The following ZNRF3 variants were observed in gnomAD, a reference collection of about 807,000 sequenced individuals.
ZNRF3 encodes the protein zinc and ring finger 3, also known as E3 ubiquitin-protein ligase ZNRF3.
ZNRF3 carries 23 observed loss-of-function variants against 72.5 expected under a neutral mutation model. The observed-to-expected ratio is 0.32, with a 90% CI of 0.23 to 0.45. The LOEUF (loss-of-function observed/expected upper bound fraction) is 0.45. ZNRF3 is among the 20% of genes least tolerant of loss of function. The probability of loss-of-function intolerance (pLI) is 1.00; values close to 1 mark genes in which losing one functional copy is unlikely to be tolerated. For missense variants in ZNRF3, 1,169 were observed against 1,272.1 expected (o/e 0.92, Z 1.23); for synonymous variants, 610 against 545.3 (o/e 1.12, Z -1.65).
At chr22:28,940,118 G>A (rs1024837476) in intron 1 of ZNRF3, among the ~76,000 whole-genome samples, 26 of 152,294 alleles carry the variant, frequency 1.7e-4, no homozygotes, top group Middle Eastern at 6.8e-3. Context: ...ACTGCCACAG[G>A]TTAGAGAAAA....
chr22:29,022,632 C>T (rs1479534090), intron 2 of ZNRF3, among the ~76,000 whole-genome samples: 2 of 152,274 alleles, frequency 1.3e-5, no homozygotes, highest in Admixed American at 6.5e-5. Context: ...GTCAGCTGTC[C>T]GTCTTACAAG....
chr22:28,940,719 A>C (rs1159464891), intron 1 of ZNRF3, among the ~76,000 whole-genome samples: 3 of 151,978 alleles, frequency 2.0e-5, no homozygotes, highest in Non-Finnish European at 4.4e-5. Context: ...GATTCTTTGG[A>C]TAGGGGGTTG....
chr22:29,006,064 G>A lies in ZNRF3; in HGVS notation c.426+18863G>A, dbSNP rs2036237789. Among the ~76,000 whole-genome samples, 6 of 152,026 alleles carry A rather than the reference G, an allele frequency of 3.9e-5. No homozygotes were observed. The South Asian group carries it at 1.3e-3, about 32-fold the overall frequency. On this transcript the variant is annotated intron_variant, in intron 2 of 8. Coordinates refer to ENST00000544604, the MANE Select transcript of ZNRF3 (RefSeq NM_001206998.2). ...AAAAAAAAAGACTGTCCTCTGAAGA[G>A]CTTATGTTTTAGATGCAAAGCCTGC...
chr22:28,893,043 T>C (rs1342558064), intron 1 of ZNRF3, among the ~76,000 whole-genome samples: 1 of 151,960 alleles, frequency 6.6e-6, no homozygotes, highest in East Asian at 1.9e-4. Context: ...GGCGGGCGCC[T>C]GTAGTCCCAG....
chr22:28,965,188 C>T (rs559400128), intron 1 of ZNRF3, among the ~76,000 whole-genome samples: 1 of 152,164 alleles, frequency 6.6e-6, no homozygotes, highest in South Asian at 2.1e-4. Context: ...TTGCATCAGC[C>T]ACACACGAGG....
intron 1 of ZNRF3, among the ~76,000 whole-genome samples, chr22:28,899,147 G>T (rs1424454347): frequency 6.6e-6 from 1 of 152,016 alleles, no homozygotes; most frequent in Non-Finnish European, 1.5e-5. Flanking sequence ...AGAGATTATA[G>T]TTTTGAAGTT....
intron 2 of ZNRF3, among the ~76,000 whole-genome samples, chr22:29,012,861 G>T (rs1477627204): frequency 6.6e-6 from 1 of 152,144 alleles, no homozygotes; most frequent in East Asian, 1.9e-4. Context: ...TGATCTGGTT[G>T]GTACCCTGCT....
At position 29,050,373 on chromosome 22, in the gene ZNRF3, G is replaced by T. The variant is rs775951501; in HGVS notation, c.2192G>T (p.Ser731Ile). ...AGPSAGAAGS[S>I]TLFLGPHLYE... Reference sequence around the variant, plus strand: ...CCTAGCGCCGGAGCAGCTGGCAGCAGCACCTTGTTCCTGGGGCCCCACCTC... The same window carrying T: ...CCTAGCGCCGGAGCAGCTGGCAGCATCACCTTGTTCCTGGGGCCCCACCTC... The change falls in exon 8 of 9, where the codon AGC becomes ATC. Residue 731 changes from serine to isoleucine, a missense_variant. Ser to Ile is a moderately radical substitution (Grantham distance 142). Coordinates refer to ENST00000544604, the MANE Select transcript of ZNRF3 (RefSeq NM_001206998.2). The T allele has an allele frequency of 1.9e-6, 3 of 1,603,900 alleles. No individual in the cohort carries two copies. Among genetic ancestry groups the T allele is most frequent in the Non-Finnish European group, 1.7e-6 (2 of 1,174,924 alleles).
intron 1 of ZNRF3, among the ~76,000 whole-genome samples, chr22:28,970,894 A>C (rs2035562102): frequency 1.3e-5 from 2 of 152,202 alleles, no homozygotes; most frequent in Admixed American, 6.5e-5. Flanking sequence ...GGGAACAAGA[A>C]ACTTTCTGGG....
At chr22:28,946,741 G>T (rs1170311903) in intron 1 of ZNRF3, among the ~76,000 whole-genome samples, 2 of 152,222 alleles carry the variant, frequency 1.3e-5, no homozygotes, top group African/African-American at 4.8e-5. Context: ...GGAGGAGGGT[G>T]TTCTGGGGAC....
chr22:28,885,949 A>T (rs998749594), intron 1 of ZNRF3, among the ~76,000 whole-genome samples: 4 of 151,906 alleles, frequency 2.6e-5, no homozygotes, highest in African/African-American at 9.7e-5. Context: ...AAAAAAGTCA[A>T]TAGTTGCTAA....
intron 1 of ZNRF3, among the ~76,000 whole-genome samples, chr22:28,895,782 C>T (rs1475592057): frequency 3.9e-5 from 6 of 151,996 alleles, no homozygotes; most frequent in Non-Finnish European, 5.9e-5. Context: ...TTGGGGTTCT[C>T]GGGGGAGGGG....
rs142906470 is a variant in ZNRF3 at position 28,980,245 on chromosome 22, G to C, written c.301-6831G>C. On this transcript the variant is annotated intron_variant, in intron 1 of 8. Transcript: ENST00000544604. The stretch of plus-strand genomic sequence containing the variant: ...TGGGTGGAGGGGGGGAAGGGGAATG[G>C]ATTATGGGAAATTACTTAATGGGTA... Among the ~76,000 whole-genome samples, 1,153 of 152,242 alleles carry C rather than the reference G, an allele frequency of 7.6e-3. 21 individuals carry two copies. Among genetic ancestry groups the C allele is most frequent in the African/African-American group, 0.027 (1,114 of 41,518 alleles).
intron 1 of ZNRF3, among the ~76,000 whole-genome samples, chr22:28,909,931 G>A (rs1569242445): frequency 6.6e-6 from 1 of 151,454 alleles, no homozygotes; most frequent in African/African-American, 2.4e-5. Context: ...TAGAGACAGG[G>A]GTCTTACTAT....
At chr22:29,045,797 A>T (rs1408598200) in intron 5 of ZNRF3, among the ~76,000 whole-genome samples, 1 of 152,246 alleles carries the variant, frequency 6.6e-6, no homozygotes, top group African/African-American at 2.4e-5. Flanking sequence ...GTTTAAGTCA[A>T]CGTTAATAAG....
intron 2 of ZNRF3, among the ~76,000 whole-genome samples, chr22:28,999,163 C>CAAAAAAAAAA (rs10601140): frequency 1.6e-5 from 1 of 63,448 alleles, no homozygotes; most frequent in African/African-American, 4.2e-5. Context: ...AATAAAAATA[C>CAAAAAAAAAA]AAAAAAAAAA....
intron 2 of ZNRF3, among the ~76,000 whole-genome samples, chr22:29,038,517 G>T (rs1234378206): frequency 6.6e-6 from 1 of 151,974 alleles, no homozygotes; most frequent in Non-Finnish European, 1.5e-5. Flanking sequence ...CTTTTTTGTG[G>T]AGACAGTCTT....
intron 1 of ZNRF3, among the ~76,000 whole-genome samples, chr22:28,888,493 G>A (rs1449577677): frequency 6.6e-6 from 1 of 152,172 alleles, no homozygotes; most frequent in Non-Finnish European, 1.5e-5. Flanking sequence ...GGGGAAAACT[G>A]GGGCTGTATT....
At chr22:28,997,892 T>C (rs964609844) in intron 2 of ZNRF3, among the ~76,000 whole-genome samples, 1 of 147,398 alleles carries the variant, frequency 6.8e-6, no homozygotes, top group Non-Finnish European at 1.5e-5. Context: ...TAGTCTCAGC[T>C]ACTCAGAAGG....
Sources: gnomAD v4.1 joint callset for allele counts (sites outside exome capture counted in the v4.1 genomes callset) on GRCh38, gnomAD v4.1.1 for gene constraint, MANE v1.5 for transcripts, NCBI Gene and HGNC (gene_info 2026-07-23, HGNC 2026-07-21) for gene names.